The following CEP15 variants were observed in gnomAD, a reference collection of about 807,000 sequenced individuals.
The protein encoded by CEP15 is centrosomal protein 15.
chr3:62,331,387 G>A, the CEP15 span: 1 of 1,612,782 alleles, frequency 6.2e-7, no homozygotes, highest in Non-Finnish European at 8.5e-7. Context: ...GGCCTGAGGT[G>A]GTTTCTCTTG....
the CEP15 span, chr3:62,322,318 C>G: frequency 3.5e-6 from 1 of 289,630 alleles, no homozygotes; most frequent in African/African-American, 2.2e-5. The surrounding 1 kb of genome is among the most constrained non-coding windows in gnomAD (Gnocchi z 5.5). Flanking sequence ...ATTGTAAGGT[C>G]ACCCTTTTGC....
chr3:62,333,130 A>G, the CEP15 span: 65 of 751,754 alleles, frequency 8.6e-5, no homozygotes, highest in South Asian at 1.3e-4. This position sits in a 1 kb window ranked among gnomAD's most constrained non-coding sequence, Gnocchi z 4.0. Context: ...TTCTACATAT[A>G]TGTGTGTGTG....
At chr3:62,323,191 A>G in the CEP15 span, among the ~76,000 whole-genome samples, 2 of 152,222 alleles carry the variant, frequency 1.3e-5, no homozygotes, top group African/African-American at 4.8e-5. Context: ...AAGTAGGGAC[A>G]ACAAAATAAG....
At chr3:62,335,277 C>T in the CEP15 span, 1 of 151,998 alleles carries the variant, frequency 6.6e-6, no homozygotes, top group African/African-American at 2.4e-5. Context: ...AAACGTAATA[C>T]ACCCTGGGTT....
the CEP15 span, chr3:62,333,838 A>T: frequency 6.5e-6 from 1 of 152,826 alleles, no homozygotes; most frequent in Non-Finnish European, 1.5e-5. The surrounding 1 kb of genome is among the most constrained non-coding windows in gnomAD (Gnocchi z 4.0). Context: ...AAATTAAAAG[A>T]CAATGACACC....
the CEP15 span, chr3:62,324,254 G>C: frequency 9.2e-5 from 14 of 152,096 alleles, no homozygotes; most frequent in African/African-American, 3.4e-4. Flanking sequence ...CTAGCTGGAC[G>C]TGGTGGTGTA....
At chr3:62,333,325 A>G in the CEP15 span, 1 of 1,611,946 alleles carries the variant, frequency 6.2e-7, no homozygotes, top group Non-Finnish European at 8.5e-7. This position sits in a 1 kb window ranked among gnomAD's most constrained non-coding sequence, Gnocchi z 4.0. Flanking sequence ...AGAGCACCAT[A>G]TCCTTTTGCT....
the CEP15 span, among the ~76,000 whole-genome samples, chr3:62,325,297 A>T: frequency 1.3e-5 from 2 of 152,354 alleles, no homozygotes; most frequent in East Asian, 3.8e-4. Flanking sequence ...AAAAACAGCT[A>T]TCACAAAATT....
At chr3:62,333,268 C>T in the CEP15 span, 2 of 1,609,066 alleles carry the variant, frequency 1.2e-6, no homozygotes, top group Non-Finnish European at 1.7e-6. The surrounding 1 kb of genome is among the most constrained non-coding windows in gnomAD (Gnocchi z 4.0). Flanking sequence ...CGTTACTGGG[C>T]ATCAGTAGAA....
chr3:62,334,156 A>G, the CEP15 span: 2 of 152,066 alleles, frequency 1.3e-5, no homozygotes, highest in East Asian at 3.9e-4. This position sits in a 1 kb window ranked among gnomAD's most constrained non-coding sequence, Gnocchi z 4.9. Flanking sequence ...TTATTCCTGA[A>G]AAAACTGTCA....
the CEP15 span, chr3:62,333,357 G>C: frequency 1.2e-6 from 2 of 1,611,146 alleles, no homozygotes; most frequent in East Asian, 4.5e-5. This position sits in a 1 kb window ranked among gnomAD's most constrained non-coding sequence, Gnocchi z 4.0. Flanking sequence ...AAATGAAGCA[G>C]AAAATACCAT....
chr3:62,329,784 G>A, the CEP15 span, among the ~76,000 whole-genome samples: 4 of 152,060 alleles, frequency 2.6e-5, no homozygotes, highest in Admixed American at 6.6e-5. Context: ...GCTAAGTGGC[G>A]CCAAGATCTG....
At chr3:62,326,054 G>A in the CEP15 span, among the ~76,000 whole-genome samples, 88 of 149,566 alleles carry the variant, frequency 5.9e-4, no homozygotes, top group Non-Finnish European at 9.8e-4. Context: ...AATTCTGTAA[G>A]TAAACATCAC....
the CEP15 span, chr3:62,331,340 G>A: frequency 1.9e-5 from 30 of 1,612,976 alleles, no homozygotes; most frequent in South Asian, 2.7e-4. Context: ...AGAAGCAGCA[G>A]AAAAGTCACT....
the CEP15 span, among the ~76,000 whole-genome samples, chr3:62,328,238 C>G: frequency 1.3e-5 from 2 of 152,210 alleles, no homozygotes; most frequent in Non-Finnish European, 2.9e-5. Flanking sequence ...ATTAAAATCG[C>G]TGATCTTATG....
At chr3:62,328,846 A>G in the CEP15 span, among the ~76,000 whole-genome samples, 3,317 of 151,514 alleles carry the variant, frequency 0.022, 55 homozygotes, top group Non-Finnish European at 0.035. Flanking sequence ...AGGTTCTTAT[A>G]TGGAAGTATT....
At chr3:62,326,436 A>T in the CEP15 span, among the ~76,000 whole-genome samples, 1 of 152,186 alleles carries the variant, frequency 6.6e-6, no homozygotes, top group African/African-American at 2.4e-5. Flanking sequence ...GATTCACTGT[A>T]TATATTTATA....
At chr3:62,322,051 A>T in the CEP15 span, 1 of 1,602,980 alleles carries the variant, frequency 6.2e-7, no homozygotes, top group Non-Finnish European at 8.5e-7. This position sits in a 1 kb window ranked among gnomAD's most constrained non-coding sequence, Gnocchi z 5.5. Context: ...TAGTCTTTTA[A>T]AGGTAAGTTT....
chr3:62,328,559 A>G, the CEP15 span, among the ~76,000 whole-genome samples: 2 of 152,138 alleles, frequency 1.3e-5, no homozygotes, highest in East Asian at 3.9e-4. Flanking sequence ...TAAAATTTTA[A>G]ATGTTCTAGT....
Sources: gnomAD v4.1 joint callset for allele counts (sites outside exome capture counted in the v4.1 genomes callset) on GRCh38, gnomAD v4.1.1 for gene constraint, Gnocchi (gnomAD v3.1) non-coding constraint, MANE v1.5 for transcripts, NCBI Gene and HGNC (gene_info 2026-07-23, HGNC 2026-07-21) for gene names.